TRPC6: variants seen among roughly 807,000 people sequenced by gnomAD.
The protein encoded by TRPC6 is short transient receptor potential channel 6.
A neutral mutation model predicts 90.7 loss-of-function variants in TRPC6; 55 were observed. That is an observed-to-expected ratio of 0.61 (90% CI 0.49 to 0.76). TRPC6 has a LOEUF of 0.76. Among genes scored for constraint, TRPC6 ranks in the 30% least tolerant of loss-of-function variants. The probability of loss-of-function intolerance (pLI) is 0.00; values close to 1 mark genes in which losing one functional copy is unlikely to be tolerated. For synonymous variants in TRPC6, 393 were observed against 393.0 expected (o/e 1.00, Z 0.00); for missense variants, 989 against 1,122.7 (o/e 0.88, Z 1.70).
At chr11:101,536,776 G>T (rs1441084239) in intron 1 of TRPC6, among the ~76,000 whole-genome samples, 5 of 152,148 alleles carry the variant, frequency 3.3e-5, no homozygotes, top group African/African-American at 1.2e-4. Flanking sequence ...AGGATTCTGG[G>T]ATGTCATTGA....
intron 1 of TRPC6, among the ~76,000 whole-genome samples, chr11:101,556,407 C>T (rs1002010869): frequency 1.3e-5 from 2 of 151,800 alleles, no homozygotes; most frequent in African/African-American, 4.8e-5. Context: ...AATACAAAAG[C>T]TCATGAGAGA....
intron 2 of TRPC6, among the ~76,000 whole-genome samples, chr11:101,497,072 C>T (rs1240884230): frequency 6.6e-6 from 1 of 152,198 alleles, no homozygotes; most frequent in Non-Finnish European, 1.5e-5. Context: ...AAGAAAGGAA[C>T]ATAGCTGAGT....
At chr11:101,552,801 A>G (rs901682872) in intron 1 of TRPC6, among the ~76,000 whole-genome samples, 1 of 152,112 alleles carries the variant, frequency 6.6e-6, no homozygotes, top group African/African-American at 2.4e-5. Flanking sequence ...GATCAGGTCT[A>G]ATTCTGGGTT....
chr11:101,576,256 A>G (rs1862068023), intron 1 of TRPC6, among the ~76,000 whole-genome samples: 1 of 152,208 alleles, frequency 6.6e-6, no homozygotes, highest in South Asian at 2.1e-4. Context: ...TATTCAAAAA[A>G]TGTTAGTTGC....
intron 1 of TRPC6, among the ~76,000 whole-genome samples, chr11:101,522,980 G>C (rs956595539): frequency 1.3e-5 from 2 of 152,186 alleles, no homozygotes; most frequent in Non-Finnish European, 2.9e-5. Context: ...AGAGTCTAGA[G>C]ATGTCAGGAT....
chr11:101,483,263 A>G (rs1431174110), intron 4 of TRPC6, 98 bp from the exon 5 acceptor site: 2 of 1,218,192 alleles, frequency 1.6e-6, no homozygotes, highest in Non-Finnish European at 2.4e-6. Context: ...GCACATTCCA[A>G]TGATCTCCTG....
intron 2 of TRPC6, among the ~76,000 whole-genome samples, chr11:101,496,713 G>A (rs567415180): frequency 1.3e-5 from 2 of 152,112 alleles, no homozygotes. Context: ...CTTGGAGAGC[G>A]GCGATGAAGG....
chr11:101,483,061 T>G lies in TRPC6; in HGVS notation c.1398A>C (p.Glu466Asp). ...TTTCATTAGGAAGGAGTTTTGTGCCTTCAAATCTGTCAGCTGCATTCATGA... is the reference window on the plus strand; with the variant it reads ...TTTCATTAGGAAGGAGTTTTGTGCCGTCAAATCTGTCAGCTGCATTCATGA... ...LLVMNAADRF[E>D]GTKLLPNETS... Residue 466 changes from glutamate to aspartate, a missense_variant, in exon 5 of 13, where the codon GAA becomes GAC. By Grantham distance (45) the Glu-to-Asp change is conservative (BLOSUM62 2). Transcript: ENST00000344327. The G allele has an allele frequency of 6.2e-7, 1 of 1,614,096 alleles. No homozygotes were observed. Among genetic ancestry groups the G allele is most frequent in the East Asian group, 2.2e-5 (1 of 44,878 alleles).
At chr11:101,465,607 A>G (rs949588007) in intron 10 of TRPC6, among the ~76,000 whole-genome samples, 2 of 152,072 alleles carry the variant, frequency 1.3e-5, no homozygotes, top group Non-Finnish European at 2.9e-5. Context: ...TATGCTTCAC[A>G]AAGTTTTCGT....
chr11:101,519,680 C>A (rs1302564318), intron 1 of TRPC6: 1 of 152,878 alleles, frequency 6.5e-6, no homozygotes, highest in East Asian at 2.0e-4. Flanking sequence ...ATCAGGAAAT[C>A]CTGCTTACTT....
intron 1 of TRPC6, among the ~76,000 whole-genome samples, chr11:101,519,118 C>A (rs1860591310): frequency 6.6e-6 from 1 of 152,108 alleles, no homozygotes; most frequent in Non-Finnish European, 1.5e-5. Context: ...GTAAGACCTA[C>A]TATTTGATAG....
chr11:101,536,519 G>A (rs1328242298), intron 1 of TRPC6, among the ~76,000 whole-genome samples: 1 of 152,114 alleles, frequency 6.6e-6, no homozygotes, highest in Non-Finnish European at 1.5e-5. Context: ...TAGGAATCAG[G>A]AAAATCTTCC....
rs147856182 is a variant in TRPC6, at chr11:101,471,164, A to C, written c.2409+19T>G. On this transcript the variant is annotated intron_variant, in intron 9 of 12. Coordinates refer to ENST00000344327, the MANE Select transcript of TRPC6 (RefSeq NM_004621.6). ...CACAAAATTTAAGAATACAATGATA[A>C]CTTATCAAGCTAAGTTACCTTGTTC... is the stretch of plus-strand genomic sequence containing the variant. 11 of 1,612,756 alleles carry C rather than the reference A, an allele frequency of 6.8e-6. No individual in the cohort carries two copies. The Admixed American group carries it at 8.3e-5, about 12-fold the overall frequency.
chr11:101,485,128 C>G, intron 4 of TRPC6, among the ~76,000 whole-genome samples: 1 of 146,100 alleles, frequency 6.8e-6, no homozygotes, highest in Admixed American at 6.9e-5. Flanking sequence ...CCAAAGAATA[C>G]ACACACACAC....
chr11:101,541,775 A>G (rs1861179738), intron 1 of TRPC6, among the ~76,000 whole-genome samples: 1 of 152,188 alleles, frequency 6.6e-6, no homozygotes, highest in Non-Finnish European at 1.5e-5. Context: ...GTATTACATT[A>G]TTAATTTTCT....
At chr11:101,522,601 T>G (rs1321633743) in intron 1 of TRPC6, among the ~76,000 whole-genome samples, 1 of 152,204 alleles carries the variant, frequency 6.6e-6, no homozygotes, top group Non-Finnish European at 1.5e-5. Flanking sequence ...CCTTCTTTAT[T>G]TTTTTCATCT....
intron 1 of TRPC6, among the ~76,000 whole-genome samples, chr11:101,563,141 G>C (rs11224858): frequency 6.6e-6 from 1 of 152,098 alleles, no homozygotes; most frequent in Non-Finnish European, 1.5e-5. Context: ...GCCATGTTTC[G>C]AGTGCTCAAT....
chr11:101,550,017 TG>T (rs1168472210), intron 1 of TRPC6, among the ~76,000 whole-genome samples: 3 of 151,614 alleles, frequency 2.0e-5, no homozygotes, highest in Admixed American at 2.0e-4. Flanking sequence ...ACACAGAAAG[TG>T]GAACAGTCTT....
At position 101,505,019 on chromosome 11, in the gene TRPC6, T is replaced by G. The variant is rs4262694; in HGVS notation, c.171-221A>C. 0.54 allele frequency among the ~76,000 whole-genome samples: 82,325 copies of G among 152,032 alleles called. 22,652 individuals are homozygous for G. Among genetic ancestry groups the G allele is most frequent in the East Asian group, 0.81 (4,197 of 5,162 alleles). On this transcript the variant is annotated intron_variant, in intron 1 of 12. Coordinates refer to ENST00000344327, the MANE Select transcript of TRPC6 (RefSeq NM_004621.6). ...CACTTTGCAGATTTTAACATTCCCATTTGGGGTGGAGACTAGCAATTGCCA... is the reference window on the plus strand; with the variant it reads ...CACTTTGCAGATTTTAACATTCCCAGTTGGGGTGGAGACTAGCAATTGCCA...
Sources: allele counts gnomAD v4.1 joint callset (sites outside exome capture counted in the v4.1 genomes callset), GRCh38; gene constraint gnomAD v4.1.1; transcripts MANE v1.5; gene names NCBI Gene and HGNC (gene_info 2026-07-23, HGNC 2026-07-21).